The following DPP10 variants were observed in gnomAD, a reference collection of about 807,000 sequenced individuals.
DPP10 encodes the protein inactive dipeptidyl peptidase 10.
DPP10 carries 33 observed loss-of-function variants against 120.9 expected under a neutral mutation model. The observed-to-expected ratio is 0.27, with a 90% CI of 0.21 to 0.37. DPP10 has a LOEUF of 0.37. DPP10 is among the 10% of genes least tolerant of loss of function. DPP10 has a pLI of 1.00. For missense variants in DPP10, 816 were observed against 942.8 expected (o/e 0.87, Z 1.76); for synonymous variants, 337 against 326.1 (o/e 1.03, Z -0.36).
chr2:115,653,668 A>G (rs906163340), intron 5 of DPP10, among the ~76,000 whole-genome samples: 3 of 151,890 alleles, frequency 2.0e-5, no homozygotes, highest in African/African-American at 7.2e-5. Context: ...TCTTTTCTAG[A>G]TGATTCCATT....
intron 3 of DPP10, among the ~76,000 whole-genome samples, chr2:115,398,998 C>T (rs1284973478): frequency 6.6e-6 from 1 of 152,076 alleles, no homozygotes; most frequent in African/African-American, 2.4e-5. Flanking sequence ...TACAGCTTTC[C>T]ATCCCTTTAG....
At chr2:114,693,409 A>G (rs1293569549) in intron 1 of DPP10, among the ~76,000 whole-genome samples, 1 of 151,826 alleles carries the variant, frequency 6.6e-6, no homozygotes, top group African/African-American at 2.4e-5. Flanking sequence ...ATTGGCCCCC[A>G]ATCTCTTCTG....
chr2:115,760,550 A>G (rs905071476), intron 11 of DPP10, among the ~76,000 whole-genome samples: 2 of 152,194 alleles, frequency 1.3e-5, no homozygotes, highest in Non-Finnish European at 2.9e-5. Flanking sequence ...TGAAAAATTT[A>G]AAACATATTA....
At chr2:114,504,512 A>G (rs1364710520) in intron 1 of DPP10, among the ~76,000 whole-genome samples, 4 of 151,920 alleles carry the variant, frequency 2.6e-5, no homozygotes, top group Non-Finnish European at 5.9e-5. Context: ...GCCTTATGCT[A>G]TTGCTTTTCC....
chr2:115,311,764 A>G (rs537771531), intron 2 of DPP10, among the ~76,000 whole-genome samples: 4 of 152,138 alleles, frequency 2.6e-5, no homozygotes, highest in South Asian at 2.1e-4. Flanking sequence ...GCATTTATTT[A>G]TTTATTTATG....
At chr2:114,828,654 T>A (rs987960993) in intron 1 of DPP10, 78 of 152,192 alleles carry the variant, frequency 5.1e-4, no homozygotes, top group African/African-American at 1.8e-3. Flanking sequence ...CAGCATGTGC[T>A]GTTTGGTAAG....
intron 1 of DPP10, among the ~76,000 whole-genome samples, chr2:114,483,024 G>A (rs1430098): frequency 0.11 from 17,381 of 152,188 alleles, 2,549 homozygotes; most frequent in African/African-American, 0.34. Flanking sequence ...CTATGGGTCA[G>A]TTAAACAATG....
intron 1 of DPP10, among the ~76,000 whole-genome samples, chr2:115,209,395 T>C (rs1401294478): frequency 6.6e-6 from 1 of 152,146 alleles, no homozygotes; most frequent in Non-Finnish European, 1.5e-5. Context: ...TTTTAATATA[T>C]GTACACTCAC....
At chr2:114,554,769 T>G (rs62165192) in intron 1 of DPP10, among the ~76,000 whole-genome samples, 14,152 of 152,334 alleles carry the variant, frequency 0.093, 897 homozygotes, top group Non-Finnish European at 0.15. Flanking sequence ...TCAAAGGTTT[T>G]CAGTGCACCT....
chr2:115,089,404 A>G (rs929292018), intron 1 of DPP10, among the ~76,000 whole-genome samples: 1 of 152,224 alleles, frequency 6.6e-6, no homozygotes, highest in Admixed American at 6.5e-5. Context: ...CTCCAAGACT[A>G]GATGAGCAGT....
intron 1 of DPP10, among the ~76,000 whole-genome samples, chr2:114,576,178 G>A (rs1210249456): frequency 1.3e-5 from 2 of 152,220 alleles, no homozygotes; most frequent in Non-Finnish European, 2.9e-5. Context: ...GGCACATTCA[G>A]TGAGCTTAAA....
chr2:115,053,240 T>C (rs1300959749), intron 1 of DPP10, among the ~76,000 whole-genome samples: 1 of 152,098 alleles, frequency 6.6e-6, no homozygotes, highest in Non-Finnish European at 1.5e-5. Flanking sequence ...GATGAATGGG[T>C]AAACAATATG....
chr2:115,826,188 T>G (rs1326398881), intron 21 of DPP10, among the ~76,000 whole-genome samples: 1 of 152,160 alleles, frequency 6.6e-6, no homozygotes, highest in Non-Finnish European at 1.5e-5. Context: ...ACATGGAAAC[T>G]CAGCATGAGT....
At chr2:115,709,988 G>C (rs1008601329) in intron 7 of DPP10, among the ~76,000 whole-genome samples, 2 of 152,050 alleles carry the variant, frequency 1.3e-5, no homozygotes, top group Admixed American at 1.3e-4. Context: ...AAATGTTAGC[G>C]AAACTGTTGA....
intron 3 of DPP10, among the ~76,000 whole-genome samples, chr2:115,385,099 A>G (rs1225744250): frequency 2.6e-5 from 4 of 152,310 alleles, no homozygotes; most frequent in East Asian, 1.9e-4. Context: ...TGTAAGTCCA[A>G]TTAAACCTCT....
At chr2:115,035,059 C>T (rs779686397) in intron 1 of DPP10, among the ~76,000 whole-genome samples, 2 of 152,236 alleles carry the variant, frequency 1.3e-5, no homozygotes, top group African/African-American at 2.4e-5. Flanking sequence ...GGCATTTAGC[C>T]GATGACACCT....
chr2:115,248,082 C>G (rs544663803), intron 1 of DPP10, among the ~76,000 whole-genome samples: 1 of 152,174 alleles, frequency 6.6e-6, no homozygotes, highest in African/African-American at 2.4e-5. Context: ...ATATGCCTCC[C>G]TCAAAGGTAC....
chr2:115,676,236 G>C (rs139679993), intron 5 of DPP10, among the ~76,000 whole-genome samples: 2 of 152,134 alleles, frequency 1.3e-5, no homozygotes, highest in African/African-American at 4.8e-5. Flanking sequence ...AATAATCACA[G>C]AATGGCCACA....
chr2:114,680,204 G>A (rs1035839278), intron 1 of DPP10, among the ~76,000 whole-genome samples: 4 of 151,944 alleles, frequency 2.6e-5, no homozygotes, highest in Non-Finnish European at 1.5e-5. Context: ...TAATACGCAG[G>A]TATTAATAAA....
Sources: gnomAD v4.1 joint callset for allele counts (sites outside exome capture counted in the v4.1 genomes callset) on GRCh38, gnomAD v4.1.1 for gene constraint, MANE v1.5 for transcripts, NCBI Gene and HGNC (gene_info 2026-07-23, HGNC 2026-07-21) for gene names.